Variants in DNAH10 observed in about 807,000 individuals in gnomAD.
DNAH10 encodes the protein axonemal beta dynein heavy chain 10.
A neutral mutation model predicts 506.6 loss-of-function variants in DNAH10; 348 were observed. The ratio of observed to expected loss-of-function variants is 0.69; its 90% CI spans 0.63 to 0.75. The LOEUF (loss-of-function observed/expected upper bound fraction) is 0.75, where lower values mean the gene tolerates loss of function less well. DNAH10 is among the 30% of genes least tolerant of loss of function. The pLI, the probability that DNAH10 is intolerant of heterozygous loss-of-function variation, is 0.00. For synonymous variants in DNAH10, 2,059 were observed against 2,198.6 expected, an observed-to-expected ratio of 0.94 and a Z score of 1.78; for missense variants, 5,179 against 5,787.1, an observed-to-expected ratio of 0.89 and a Z score of 3.41.
At chr12:123,922,211 A>G (rs1165709846) in intron 65 of DNAH10, among the ~76,000 whole-genome samples, 1 of 151,990 alleles carries the variant, frequency 6.6e-6, no homozygotes, top group African/African-American at 2.4e-5. Flanking sequence ...CGTCTCTACT[A>G]AAAATACAAA....
At position 123,910,536 on chromosome 12, in the gene DNAH10, G is replaced by A. The variant is rs1954017223; in HGVS notation, c.9998G>A (p.Gly3333Asp). 1.2e-6 allele frequency: 2 copies of A among 1,611,450 alleles called. No individual in the cohort carries two copies. The highest frequency in any genetic ancestry group is 1.7e-6 in the Non-Finnish European group (2 of 1,179,142). Residue 3333 changes from glycine (G) to aspartate (D), a missense_variant and splice_region_variant, in exon 59 of 79, where the codon GGC (glycine) becomes GAC (aspartate). Coordinates refer to ENST00000673944, the MANE Select transcript of DNAH10 (RefSeq NM_001372106.1). ...ITQSQVKNIK[G>D]LLKTLNTTTE... ...AAAATTATTGCATGTTTCACGTTAGGCCTCTTGAAGACTCTTAATACCACA... is the reference window on the plus strand; with the variant it reads ...AAAATTATTGCATGTTTCACGTTAGACCTCTTGAAGACTCTTAATACCACA...
At chr12:123,915,105 G>A in intron 62 of DNAH10, 106 bp downstream of exon 62, 2 of 1,398,176 alleles carry the variant, frequency 1.4e-6, no homozygotes, top group Non-Finnish European at 1.9e-6. Flanking sequence ...GCGAGGCTGG[G>A]CTGAAATGCT....
At chr12:123,804,710 T>C (rs1178557261) in intron 17 of DNAH10, 123 bp from the exon 18 acceptor site, 5 of 829,244 alleles carry the variant, frequency 6.0e-6, no homozygotes, top group Non-Finnish European at 9.9e-6. Flanking sequence ...ATGTTCTGCT[T>C]TGGGCTGAGG....
intron 19 of DNAH10, among the ~76,000 whole-genome samples, chr12:123,812,535 T>C (rs900579397): frequency 1.4e-4 from 22 of 152,350 alleles, no homozygotes; most frequent in Admixed American, 4.6e-4. Context: ...AGATTTGTTC[T>C]GGGACACTAA....
chr12:123,860,560 C>G (rs1951571904), intron 38 of DNAH10, among the ~76,000 whole-genome samples: 1 of 152,150 alleles, frequency 6.6e-6, no homozygotes, highest in African/African-American at 2.4e-5. Flanking sequence ...CTGCTTGATT[C>G]ATGAAGTCAA....
chr12:123,770,971 A>ACTTTTTTTTTT (rs1283951087), intron 2 of DNAH10, among the ~76,000 whole-genome samples: 1 of 117,888 alleles, frequency 8.5e-6, no homozygotes, highest in Non-Finnish European at 1.6e-5. Flanking sequence ...GCTAGCTGTA[A>ACTTTTTTTTTT]TTCTTTTTTT....
At chr12:123,827,028 A>C (rs1425343009) in intron 25 of DNAH10, 130 bp downstream of exon 25, 1 of 743,010 alleles carries the variant, frequency 1.3e-6, no homozygotes, top group African/African-American at 1.8e-5. Context: ...AGGGCTATAC[A>C]TGGGCACGAC....
At chr12:123,818,928 G>C in intron 21 of DNAH10, 22 bp from the exon 22 acceptor site, 1 of 1,500,714 alleles carries the variant, frequency 6.7e-7, no homozygotes, top group African/African-American at 1.4e-5. Context: ...TGTTTATTCT[G>C]TTTTTTGTTT....
Position 123,787,942 on chromosome 12 carries a change from G to C in DNAH10, c.1560G>C (p.Arg520=), listed in dbSNP as rs965593256. The C allele has an allele frequency of 3.1e-6, 5 of 1,601,460 alleles. No homozygotes were observed. The highest frequency in any genetic ancestry group is 1.7e-6 in the Non-Finnish European group (2 of 1,174,192). ...REDRWEFDRK[R]LFERTDYMAT... is the part of the protein sequence containing the mutation. ...ATCGGTGGGAGTTTGACCGGAAGCG[G>C]CTGTTCGAGAGGACGGATTATATGG... Residue 520 remains arginine, a synonymous_variant, in exon 10 of 79, where the codon CGG becomes CGC. Transcript: ENST00000673944. The surrounding 1 kb of genome is among the most constrained non-coding windows in gnomAD (Gnocchi z 4.6).
At chr12:123,824,719 G>A (rs552744273) in intron 24 of DNAH10, among the ~76,000 whole-genome samples, 1 of 152,094 alleles carries the variant, frequency 6.6e-6, no homozygotes, top group Admixed American at 6.5e-5. Flanking sequence ...CGTGGCTTGC[G>A]GCTGTGTTGC....
chr12:123,782,383 T>C (rs553522528), intron 6 of DNAH10, among the ~76,000 whole-genome samples: 97 of 124,646 alleles, frequency 7.8e-4, no homozygotes, highest in East Asian at 3.6e-3. Flanking sequence ...TCCCTTTTCT[T>C]TCTTTTCTTT....
chr12:123,800,447 G>T (rs1047483860), intron 15 of DNAH10, 59 bp downstream of exon 15: 1 of 1,504,710 alleles, frequency 6.6e-7, no homozygotes, highest in South Asian at 1.2e-5. Context: ...ACCCCTTTAC[G>T]CTCTTAAAAA....
In DNAH10 at chr12:123,935,412, T is replaced by C; in HGVS notation, c.13701T>C (p.Asp4567=). ...GAGTCGGCTTGGTTTTTGAAGCTGA[T>C]CTCTTTACCACGAGGCACATTTCTC... ...AMGVGLVFEA[D]LFTTRHISHW... The change falls in exon 79 of 79, where the codon GAT becomes GAC. Residue 4567 remains aspartate (D), a synonymous_variant. Coordinates refer to ENST00000673944, the MANE Select transcript of DNAH10 (RefSeq NM_001372106.1). The C allele has an allele frequency of 6.2e-7, 1 of 1,611,728 alleles. No individual in the cohort carries two copies. The highest frequency in any genetic ancestry group is 1.1e-5 in the South Asian group (1 of 91,002).
Position 123,762,490 on chromosome 12 carries a change from G to T in DNAH10, c.154G>T (p.Gly52Trp). The change falls in exon 1 of 79, where the codon GGG becomes TGG. Residue 52 changes from glycine (G) to tryptophan (W), a missense_variant. This residue lies in a region of DNAH10 where 326 missense variants were observed against 330.8 expected (regional missense o/e 0.99). Coordinates refer to ENST00000673944, the MANE Select transcript of DNAH10 (RefSeq NM_001372106.1). This position sits in a 1 kb window ranked among gnomAD's most constrained non-coding sequence, Gnocchi z 5.0. The part of the protein sequence containing the change: ...HFLNQASEEE[G>W]PSALFIYRTM... The stretch of plus-strand genomic sequence containing the variant: ...CCTCAACCAGGCGAGCGAGGAGGAG[G>T]GGCCCTCGGCGCTCTTCATCTACCG... 6.6e-7 allele frequency: 1 copy of T among 1,523,658 alleles called. No homozygotes were observed. The allele number at this position is 1,523,658 out of a possible 1,614,324, so 94.4% of individuals were successfully genotyped here.
intron 12 of DNAH10, 149 bp downstream of exon 12, chr12:123,794,261 C>T (rs9888323): frequency 0.53 from 211,126 of 401,658 alleles, 59,075 homozygotes; most frequent in East Asian, 0.94. Flanking sequence ...ACACGTAACC[C>T]GAACAAAGTG....
intron 55 of DNAH10, 134 bp from the exon 56 acceptor site, chr12:123,898,519 G>A (rs998159379): frequency 6.2e-6 from 7 of 1,129,296 alleles, no homozygotes; most frequent in African/African-American, 3.2e-5. Flanking sequence ...GGCAGTGGAG[G>A]TACTGAAAGA....
Position 123,820,764 on chromosome 12 carries a change from C to A in DNAH10, c.4179+6C>A, listed in dbSNP as rs1959311371. ...AGCTCTATGAAGGACTAAAGGTGAG[C>A]ATCTCCCTGAAAGCGAAGGACTCAG... On this transcript the variant is annotated splice_donor_region_variant and intron_variant, in intron 24 of 78. Transcript: ENST00000673944. The A allele has an allele frequency of 6.2e-7, 1 of 1,613,570 alleles. No homozygotes were observed. Among genetic ancestry groups the A allele is most frequent in the African/African-American group, 1.3e-5 (1 of 75,016 alleles).
chr12:123,765,622 A>ACC (rs1957009281), intron 1 of DNAH10, among the ~76,000 whole-genome samples: 3 of 149,268 alleles, frequency 2.0e-5, no homozygotes, highest in Non-Finnish European at 4.4e-5. Context: ...CTATACATCT[A>ACC]TTTATCTATC....
At chr12:123,779,261 G>A (rs1957554765) in intron 5 of DNAH10, among the ~76,000 whole-genome samples, 1 of 151,798 alleles carries the variant, frequency 6.6e-6, no homozygotes, top group Non-Finnish European at 1.5e-5. Context: ...GGCTGTTCTC[G>A]AACTCCTGGG....
Sources: allele counts gnomAD v4.1 joint callset (sites outside exome capture counted in the v4.1 genomes callset), GRCh38; gene constraint gnomAD v4.1.1; regional missense constraint gnomAD v4.1.1; non-coding constraint Gnocchi (gnomAD v3.1); transcripts MANE v1.5; gene names NCBI Gene and HGNC (gene_info 2026-07-23, HGNC 2026-07-21).